The following ZBTB8A variants were observed in gnomAD, a reference collection of about 807,000 sequenced individuals.
ZBTB8A encodes zinc finger and BTB domain containing 8A.
Under a neutral mutation model 37.8 loss-of-function variants are expected in ZBTB8A, and 19 were observed. That is an observed-to-expected ratio of 0.50 (90% CI 0.35 to 0.74). The LOEUF (loss-of-function observed/expected upper bound fraction) is 0.74. Among genes scored for constraint, ZBTB8A ranks in the 30% least tolerant of loss-of-function variants. The probability of loss-of-function intolerance (pLI) is 0.01; values close to 1 mark genes in which losing one functional copy is unlikely to be tolerated. For missense variants in ZBTB8A, 394 were observed against 537.8 expected, an observed-to-expected ratio of 0.73 and a Z score of 2.65; for synonymous variants, 181 against 185.2, an observed-to-expected ratio of 0.98 and a Z score of 0.19.
intron 2 of ZBTB8A, among the ~76,000 whole-genome samples, chr1:32,554,198 CAAAA>C (rs1017025736): frequency 4.0e-5 from 2 of 50,190 alleles, no homozygotes; most frequent in Non-Finnish European, 8.6e-5. Context: ...AGACTGTCTC[CAAAA>C]AAAAAAAAAA....
intron 2 of ZBTB8A, among the ~76,000 whole-genome samples, chr1:32,574,338 C>T (rs977079521): frequency 2.4e-4 from 36 of 152,138 alleles, no homozygotes; most frequent in African/African-American, 8.4e-4. Flanking sequence ...GGTGCGGTGG[C>T]TTACGCCTGT....
intron 4 of ZBTB8A, among the ~76,000 whole-genome samples, chr1:32,597,615 T>TA (rs2148254175): frequency 6.6e-6 from 1 of 152,336 alleles, no homozygotes; most frequent in South Asian, 2.1e-4. Context: ...CAGTCATTGT[T>TA]ACGGAGGTGT....
chr1:32,595,367 A>G (rs1216103445), intron 4 of ZBTB8A, 144 bp downstream of exon 4: 2 of 768,696 alleles, frequency 2.6e-6, no homozygotes, highest in South Asian at 1.8e-5. Flanking sequence ...TCCCGGGTTC[A>G]AGCAATTCTC....
intron 2 of ZBTB8A, among the ~76,000 whole-genome samples, chr1:32,584,827 C>G (rs1174183243): frequency 1.3e-5 from 2 of 151,172 alleles, no homozygotes; most frequent in Non-Finnish European, 2.9e-5. Context: ...GCCTAAACAT[C>G]ATTGTTAATA....
intron 1 of ZBTB8A, among the ~76,000 whole-genome samples, chr1:32,544,711 CAAAT>C (rs955379682): frequency 2.0e-5 from 3 of 152,016 alleles, no homozygotes; most frequent in Non-Finnish European, 2.9e-5. Flanking sequence ...AATAAATAAA[CAAAT>C]AAATAAACAC....
rs1386028524 is a variant in ZBTB8A at position 32,585,560 on chromosome 1, G to GTA, written c.-1-7368_-1-7367dup. On this transcript the variant is annotated intron_variant, in intron 2 of 4. Transcript: ENST00000373510. ...AGTAGGAAAGACCTGAATAAATGAA[G>GTA]TATACCATGTTCACGGATGGTGAGA... Among the ~76,000 whole-genome samples the GTA allele has an allele frequency of 2.0e-5, 3 of 152,180 alleles. No homozygotes were observed. The East Asian group carries it at 5.8e-4, about 29-fold the overall frequency.
rs576671138 is a variant in ZBTB8A, at chr1:32,593,806, A to C, written c.823+52A>C. On this transcript the variant is annotated intron_variant, in intron 3 of 4. Transcript: ENST00000373510. ...CATCCAGGTTCCAAACTGCTATATT[A>C]ATCAGTCTACTGTCAAAACACCCTT... 9.2e-6 allele frequency: 13 copies of C among 1,408,414 alleles called. No homozygotes were observed. In the East Asian group the frequency reaches 2.7e-4, roughly 30 times the overall value. 87.2% of individuals were successfully genotyped at this position (1,408,414 alleles called of 1,614,324 possible). A position where few individuals can be genotyped will look rare whatever the true frequency, so the allele number is the denominator to read the frequency against.
intron 2 of ZBTB8A, among the ~76,000 whole-genome samples, chr1:32,558,625 A>G (rs1041268368): frequency 2.0e-5 from 3 of 152,178 alleles, no homozygotes; most frequent in South Asian, 2.1e-4. Flanking sequence ...GGATATAGAT[A>G]TGGAGGCAGA....
chr1:32,601,869 C>T lies in ZBTB8A; in HGVS notation c.*1450C>T, dbSNP rs948510473. 2 of 393,726 alleles carry T rather than the reference C, an allele frequency of 5.1e-6. No homozygotes were observed. Among genetic ancestry groups the T allele is most frequent in the African/African-American group, 4.1e-5 (2 of 48,520 alleles). The allele number at this position is 393,726 out of a possible 1,614,324, so 24.4% of individuals were successfully genotyped here. On this transcript the variant is annotated 3_prime_UTR_variant, in exon 5 of 5. Transcript: ENST00000373510. Reference sequence around the variant, plus strand: ...TTTTCAAATAATGCTAAGTAATGTCCCTACAGTACCTATTGGTATGTTTTT... The same window carrying T: ...TTTTCAAATAATGCTAAGTAATGTCTCTACAGTACCTATTGGTATGTTTTT...
At position 32,604,337 on chromosome 1, in the gene ZBTB8A, T is replaced by C. The variant is rs1182785857; in HGVS notation, c.*3918T>C. On this transcript the variant is annotated 3_prime_UTR_variant, in exon 5 of 5. Transcript: ENST00000373510. ...CAAATTTAAGGGATAAACTCTAAAA[T>C]CAGAGCTGCTGTGGTTAAAGTCCCC... The C allele has an allele frequency of 6.6e-6, 1 of 152,164 alleles. No individual in the cohort carries two copies. The highest frequency in any genetic ancestry group is 6.6e-5 in the Admixed American group (1 of 15,260). 9.4% of individuals were successfully genotyped at this position (152,164 alleles called of 1,614,324 possible). A position where few individuals can be genotyped will look rare whatever the true frequency, so the allele number is the denominator to read the frequency against.
intron 1 of ZBTB8A, among the ~76,000 whole-genome samples, chr1:32,544,356 A>G (rs1055312470): frequency 6.6e-6 from 1 of 152,258 alleles, no homozygotes; most frequent in African/African-American, 2.4e-5. Context: ...GCATAATACT[A>G]TAGGCATTTG....
At chr1:32,550,390 G>A (rs750899538) in intron 1 of ZBTB8A, among the ~76,000 whole-genome samples, 112 of 152,074 alleles carry the variant, frequency 7.4e-4, no homozygotes, top group Non-Finnish European at 1.3e-3. Context: ...AAGGTGGTGG[G>A]TGGATTGCTT....
intron 2 of ZBTB8A, among the ~76,000 whole-genome samples, chr1:32,588,495 A>T (rs1398747677): frequency 1.3e-5 from 2 of 152,036 alleles, no homozygotes; most frequent in African/African-American, 4.8e-5. Flanking sequence ...TTTGGAGATT[A>T]GGAAAATGGA....
At position 32,601,480 on chromosome 1, in the gene ZBTB8A, A is replaced by G. The variant is rs1570379543; in HGVS notation, c.*1061A>G. 4 of 394,538 alleles carry G rather than the reference A, an allele frequency of 1.0e-5. No homozygotes were observed. The highest frequency in any genetic ancestry group is 4.1e-5 in the African/African-American group (2 of 48,542). The allele number at this position is 394,538 out of a possible 1,614,324, so 24.4% of individuals were successfully genotyped here. On this transcript the variant is annotated 3_prime_UTR_variant, in exon 5 of 5. Coordinates refer to ENST00000373510, the MANE Select transcript of ZBTB8A (RefSeq NM_001040441.3). The stretch of plus-strand genomic sequence containing the variant: ...CAAGAGCGAAACTCCGTCTCAAAAA[A>G]AAAAGGAAAACAAACTAGGAGGTTC...
chr1:32,598,319 G>A (rs1299172200), intron 4 of ZBTB8A, among the ~76,000 whole-genome samples: 2 of 128,270 alleles, frequency 1.6e-5, no homozygotes, highest in Non-Finnish European at 3.1e-5. Context: ...TGCAACCTCC[G>A]CCTCCCGGGC....
chr1:32,598,059 C>T (rs967498029), intron 4 of ZBTB8A, among the ~76,000 whole-genome samples: 8 of 151,140 alleles, frequency 5.3e-5, no homozygotes, highest in Non-Finnish European at 7.4e-5. Flanking sequence ...CAGCCTAATA[C>T]GCATAATATT....
At chr1:32,582,963 A>G (rs955734877) in intron 2 of ZBTB8A, among the ~76,000 whole-genome samples, 1 of 152,214 alleles carries the variant, frequency 6.6e-6, no homozygotes, top group Non-Finnish European at 1.5e-5. Flanking sequence ...TATATTAAAC[A>G]TGGAAGAAAC....
chr1:32,597,169 AT>A (rs1287066281), intron 4 of ZBTB8A, among the ~76,000 whole-genome samples: 2 of 151,854 alleles, frequency 1.3e-5, no homozygotes, highest in South Asian at 2.1e-4. Flanking sequence ...TAGTTTTTGT[AT>A]TTTTAGTAGA....
At chr1:32,577,675 A>G (rs548045195) in intron 2 of ZBTB8A, among the ~76,000 whole-genome samples, 1 of 130,924 alleles carries the variant, frequency 7.6e-6, no homozygotes, top group South Asian at 2.3e-4. Flanking sequence ...TCCACCTCCC[A>G]GGTTCAAATG....
Sources: gnomAD v4.1 joint callset for allele counts (sites outside exome capture counted in the v4.1 genomes callset) on GRCh38, gnomAD v4.1.1 for gene constraint, MANE v1.5 for transcripts, NCBI Gene and HGNC (gene_info 2026-07-23, HGNC 2026-07-21) for gene names.